Variants in C8orf34 observed in about 807,000 individuals in gnomAD.
C8orf34 encodes the protein chromosome 8 open reading frame 34, also known as uncharacterized protein C8orf34.
In C8orf34, 65 loss-of-function variants were observed where a neutral mutation model predicts 68.3. The ratio of observed to expected loss-of-function variants is 0.95; its 90% CI spans 0.78 to 1.17. The LOEUF (loss-of-function observed/expected upper bound fraction) is 1.17, where lower values mean the gene tolerates loss of function less well. Ranked by LOEUF, C8orf34 falls within the 50% of genes most tolerant of loss-of-function variation. The pLI is 0.00. For missense variants in C8orf34, 664 were observed against 655.4 expected, an observed-to-expected ratio of 1.01 and a Z score of -0.14; for synonymous variants, 244 against 241.2, an observed-to-expected ratio of 1.01 and a Z score of -0.11.
At chr8:68,788,730 T>C (rs910250910) in intron 12 of C8orf34, among the ~76,000 whole-genome samples, 7 of 151,926 alleles carry the variant, frequency 4.6e-5, no homozygotes, top group Non-Finnish European at 1.0e-4. Context: ...ATGGTGGTGC[T>C]CACCTGTAGT....
At chr8:68,561,069 A>G (rs116997824) in intron 7 of C8orf34, among the ~76,000 whole-genome samples, 3,551 of 148,902 alleles carry the variant, frequency 0.024, 69 homozygotes, top group Admixed American at 0.055. Context: ...TGCAGCTTCC[A>G]CCTCCAGGGT....
At chr8:68,597,852 T>A (rs1405014025) in intron 7 of C8orf34, among the ~76,000 whole-genome samples, 1 of 152,138 alleles carries the variant, frequency 6.6e-6, no homozygotes, top group Non-Finnish European at 1.5e-5. Context: ...ACTTTGTTTA[T>A]ACTGATAAAA....
intron 3 of C8orf34, among the ~76,000 whole-genome samples, chr8:68,450,244 C>G (rs1811288606): frequency 6.6e-6 from 1 of 152,132 alleles, no homozygotes. Context: ...TTCTAGTTCT[C>G]TTGCTATTTC....
At chr8:68,768,209 A>G (rs1405719982) in intron 10 of C8orf34, among the ~76,000 whole-genome samples, 4 of 152,178 alleles carry the variant, frequency 2.6e-5, no homozygotes, top group Non-Finnish European at 4.4e-5. Flanking sequence ...TCATTTTGCA[A>G]TGCCCCTGGT....
intron 5 of C8orf34, among the ~76,000 whole-genome samples, chr8:68,509,971 G>A (rs148975083): frequency 1.1e-3 from 167 of 152,262 alleles, no homozygotes; most frequent in Admixed American, 2.5e-3. Context: ...TTATGCCATG[G>A]ATACTAACGT....
intron 1 of C8orf34, among the ~76,000 whole-genome samples, chr8:68,369,998 T>C (rs1807489406): frequency 6.6e-6 from 1 of 152,148 alleles, no homozygotes; most frequent in Non-Finnish European, 1.5e-5. Flanking sequence ...GCCTCCAAAA[T>C]CCAAAGAGGG....
chr8:68,754,095 G>GAA (rs55704304), intron 10 of C8orf34, among the ~76,000 whole-genome samples: 58 of 150,074 alleles, frequency 3.9e-4, no homozygotes, highest in African/African-American at 1.1e-3. Flanking sequence ...GGATTAACTG[G>GAA]AAAAAAAAAT....
At chr8:68,342,407 C>T (rs6472395) in intron 1 of C8orf34, among the ~76,000 whole-genome samples, 63,558 of 151,746 alleles carry the variant, frequency 0.42, 13,440 homozygotes, top group East Asian at 0.48. Flanking sequence ...GATAAGTTAC[C>T]GGTTAGGAGA....
intron 10 of C8orf34, among the ~76,000 whole-genome samples, chr8:68,772,204 T>A (rs1823359987): frequency 6.6e-6 from 1 of 152,202 alleles, no homozygotes; most frequent in East Asian, 1.9e-4. Context: ...TGGAATTTTT[T>A]AAAAGAAAAT....
intron 13 of C8orf34, among the ~76,000 whole-genome samples, chr8:68,818,013 G>A (rs889331287): frequency 6.6e-6 from 1 of 152,128 alleles, no homozygotes; most frequent in Non-Finnish European, 1.5e-5. Flanking sequence ...AGGACACAAA[G>A]CCTAACCATA....
chr8:68,671,954 C>T (rs1390329887), intron 8 of C8orf34, among the ~76,000 whole-genome samples: 1 of 152,062 alleles, frequency 6.6e-6, no homozygotes, highest in East Asian at 1.9e-4. Context: ...TCACTCTATC[C>T]TTTTTGAGTT....
Position 68,433,884 on chromosome 8 carries a change from T to A in C8orf34, c.328-5615T>A, listed in dbSNP as rs534842768. Among the ~76,000 whole-genome samples, 3 of 152,288 alleles carry A rather than the reference T, an allele frequency of 2.0e-5. No individual in the cohort carries two copies. In the East Asian group the frequency reaches 5.8e-4, roughly 29 times the overall value. On this transcript the variant is annotated intron_variant, in intron 1 of 13. Transcript: ENST00000518698. Reference sequence around the variant, plus strand: ...GGCTTTGCTTTTATCTAATGAAAATTAACATTAAAATGCATTTTGAGACGA... The same window carrying A: ...GGCTTTGCTTTTATCTAATGAAAATAAACATTAAAATGCATTTTGAGACGA...
intron 5 of C8orf34, among the ~76,000 whole-genome samples, chr8:68,493,980 C>G (rs1196489400): frequency 6.6e-6 from 1 of 152,094 alleles, no homozygotes; most frequent in Non-Finnish European, 1.5e-5. Context: ...CAGGAATGAA[C>G]TAAGATACCA....
intron 12 of C8orf34, among the ~76,000 whole-genome samples, chr8:68,792,995 A>G (rs1179602224): frequency 1.3e-5 from 2 of 152,138 alleles, no homozygotes; most frequent in East Asian, 1.9e-4. Context: ...ACAAACATAC[A>G]TATATATTAT....
intron 5 of C8orf34, among the ~76,000 whole-genome samples, chr8:68,503,957 C>A (rs1460325422): frequency 6.6e-6 from 1 of 152,018 alleles, no homozygotes; most frequent in Non-Finnish European, 1.5e-5. Context: ...AAAATACATC[C>A]TTTTAAAGTA....
chr8:68,558,058 G>T (rs1024878169), intron 7 of C8orf34, among the ~76,000 whole-genome samples: 6 of 152,236 alleles, frequency 3.9e-5, no homozygotes, highest in African/African-American at 1.4e-4. Context: ...ATGAAAAGAT[G>T]CTCAAACGCC....
At chr8:68,605,431 C>A (rs1305832716) in intron 7 of C8orf34, among the ~76,000 whole-genome samples, 1 of 152,066 alleles carries the variant, frequency 6.6e-6, no homozygotes, top group Non-Finnish European at 1.5e-5. Context: ...CAGCTTTATT[C>A]ATAATTTTCA....
intron 10 of C8orf34, among the ~76,000 whole-genome samples, chr8:68,722,260 C>T (rs1821698598): frequency 6.6e-6 from 1 of 151,994 alleles, no homozygotes; most frequent in Admixed American, 6.6e-5. Context: ...CACTTAACAC[C>T]AGTGATACAT....
At chr8:68,426,020 C>G (rs568672507) in intron 1 of C8orf34, among the ~76,000 whole-genome samples, 23 of 152,046 alleles carry the variant, frequency 1.5e-4, no homozygotes, top group Non-Finnish European at 2.9e-4. Flanking sequence ...AAAATTAACT[C>G]AAAATGGGTC....
Sources: allele counts gnomAD v4.1 joint callset (sites outside exome capture counted in the v4.1 genomes callset), GRCh38; gene constraint gnomAD v4.1.1; transcripts MANE v1.5; gene names NCBI Gene and HGNC (gene_info 2026-07-23, HGNC 2026-07-21).